Variants in DSCAM observed in about 807,000 individuals in gnomAD.
DSCAM encodes the protein DS cell adhesion molecule.
A neutral mutation model predicts 217.7 loss-of-function variants in DSCAM; 47 were observed. The observed-to-expected ratio is 0.22, with a 90% CI of 0.17 to 0.28. DSCAM has a LOEUF of 0.28. DSCAM is among the 10% of genes least tolerant of loss of function. The pLI is 1.00. For missense variants in DSCAM, 2,080 were observed against 2,618.3 expected, an observed-to-expected ratio of 0.79 and a Z score of 4.49; for synonymous variants, 1,056 against 1,015.3, an observed-to-expected ratio of 1.04 and a Z score of -0.76.
At chr21:40,208,412 C>A (rs2091148326) in intron 11 of DSCAM, among the ~76,000 whole-genome samples, 1 of 152,190 alleles carries the variant, frequency 6.6e-6, no homozygotes, top group South Asian at 2.1e-4. Context: ...TGAGATTGCG[C>A]CATTGCACTC....
chr21:40,013,263 A>C lies in DSCAM; in HGVS notation c.5810T>G (p.Leu1937Arg), dbSNP rs2088095252. Residue 1937 changes from leucine to arginine, a missense_variant, in exon 33 of 33, where the codon CTG (leucine) becomes CGG (arginine). By Grantham distance (102) the Leu-to-Arg change is moderately radical (BLOSUM62 -2). Around this residue, in one of 5 missense-constraint regions of DSCAM, gnomAD observed 145 missense variants for 138.5 expected, o/e 1.05. Coordinates refer to ENST00000400454, the MANE Select transcript of DSCAM (RefSeq NM_001389.5). ...GGGCTCCAGGACCGTGGGGCGCTTC[A>C]GGGTCCGGCTTTTCTGAGGTTCCAA... ...ACLEPQKSRT[L>R]KRPTVLEPIP... 3.7e-6 allele frequency: 6 copies of C among 1,613,704 alleles called. No homozygotes were observed. Among genetic ancestry groups the C allele is most frequent in the Non-Finnish European group, 5.1e-6 (6 of 1,179,908 alleles).
chr21:40,354,748 C>G (rs1351068042), intron 4 of DSCAM, among the ~76,000 whole-genome samples: 1 of 149,616 alleles, frequency 6.7e-6, no homozygotes. Flanking sequence ...ACTCGGGAGG[C>G]TGAGGCAGGA....
At chr21:40,095,159 C>A (rs973903733) in intron 20 of DSCAM, among the ~76,000 whole-genome samples, 1 of 152,194 alleles carries the variant, frequency 6.6e-6, no homozygotes. Flanking sequence ...TGAGGCCAAG[C>A]AAAAGGGGTT....
intron 32 of DSCAM, among the ~76,000 whole-genome samples, chr21:40,037,505 C>G (rs62235617): frequency 0.32 from 43,877 of 137,136 alleles, 7,903 homozygotes; most frequent in Middle Eastern, 0.41. Context: ...CACTGCTCAA[C>G]GAAATAAAAG....
intron 15 of DSCAM, among the ~76,000 whole-genome samples, chr21:40,167,988 G>C (rs1459831677): frequency 6.6e-6 from 1 of 152,128 alleles, no homozygotes; most frequent in Non-Finnish European, 1.5e-5. Context: ...TTGAATCCAG[G>C]AGGCAGACGT....
chr21:40,012,939 C>A lies in DSCAM; in HGVS notation c.*95G>T. The A allele has an allele frequency of 1.1e-6, 1 of 883,562 alleles. No individual in the cohort carries two copies. The highest frequency in any genetic ancestry group is 1.5e-6 in the Non-Finnish European group (1 of 663,720). The allele number at this position is 883,562 out of a possible 1,614,324, so 54.7% of individuals were successfully genotyped here. On this transcript the variant is annotated 3_prime_UTR_variant, in exon 33 of 33. Transcript: ENST00000400454. ...TTTTTTAATATATTTTGGCAATTTT[C>A]TTTAATTATAAATATTGGAATTCCG... is the stretch of plus-strand genomic sequence containing the variant.
chr21:40,393,422 C>T (rs553356861), intron 3 of DSCAM, among the ~76,000 whole-genome samples: 25 of 152,034 alleles, frequency 1.6e-4, no homozygotes, highest in South Asian at 4.2e-4. Flanking sequence ...GAAAATACAA[C>T]GAAAATTCTA....
intron 3 of DSCAM, among the ~76,000 whole-genome samples, chr21:40,652,671 G>A (rs931431086): frequency 6.6e-6 from 1 of 152,162 alleles, no homozygotes; most frequent in Non-Finnish European, 1.5e-5. Context: ...GGCTTAGGGG[G>A]TCCAAATCCC....
intron 1 of DSCAM, among the ~76,000 whole-genome samples, chr21:40,825,059 C>T (rs2091957312): frequency 6.6e-6 from 1 of 152,134 alleles, no homozygotes; most frequent in Admixed American, 6.5e-5. Flanking sequence ...TGCCATGACC[C>T]AGAAAAGAGG....
At chr21:40,330,567 A>G (rs906335577) in intron 8 of DSCAM, among the ~76,000 whole-genome samples, 1 of 151,992 alleles carries the variant, frequency 6.6e-6, no homozygotes, top group Non-Finnish European at 1.5e-5. Flanking sequence ...AGAATAGAGG[A>G]ATTTTAAGTC....
At chr21:40,565,760 G>A (rs1340699349) in intron 3 of DSCAM, among the ~76,000 whole-genome samples, 4 of 152,112 alleles carry the variant, frequency 2.6e-5, no homozygotes, top group Non-Finnish European at 5.9e-5. Flanking sequence ...AACTTCAACA[G>A]AGGGAAAATA....
At position 40,178,972 on chromosome 21, in the gene DSCAM, T is replaced by C; in HGVS notation, c.2902A>G (p.Lys968Glu). Reference protein sequence around the residue: ...IRMYAKNRIGKSEPSNELTIT... With the variant: ...IRMYAKNRIGESEPSNELTIT... ...GTGAGCTCGTTGCTGGGCTCGCTCT[T>C]GCCAATCCGGTTCTTGGCGTACATG... is the stretch of plus-strand genomic sequence containing the variant. The change falls in exon 15 of 33, where the codon AAG becomes GAG. Residue 968 changes from lysine (K) to glutamate (E), a missense_variant. Physicochemically the swap from Lys to Glu is moderately conservative, Grantham distance 56. This residue lies in a region of DSCAM where 1,144 missense variants were observed against 1,421.1 expected (regional missense o/e 0.81). Transcript: ENST00000400454. 6.2e-7 allele frequency: 1 copy of C among 1,614,132 alleles called. No individual in the cohort carries two copies. The highest frequency in any genetic ancestry group is 8.5e-7 in the Non-Finnish European group (1 of 1,180,024).
At chr21:40,287,918 T>C (rs549832154) in intron 10 of DSCAM, among the ~76,000 whole-genome samples, 28 of 152,052 alleles carry the variant, frequency 1.8e-4, no homozygotes, top group African/African-American at 5.8e-4. Flanking sequence ...AATATGGAAT[T>C]GGGGAAACTA....
At chr21:40,495,099 A>G (rs1351102648) in intron 3 of DSCAM, among the ~76,000 whole-genome samples, 1 of 152,158 alleles carries the variant, frequency 6.6e-6, no homozygotes, top group African/African-American at 2.4e-5. Flanking sequence ...TAGTAAAAAG[A>G]CTCTAATCAA....
intron 3 of DSCAM, among the ~76,000 whole-genome samples, chr21:40,563,019 T>C (rs34797708): frequency 0.064 from 9,763 of 152,304 alleles, 366 homozygotes; most frequent in South Asian, 0.15. Flanking sequence ...ATTTGGCTGA[T>C]AGAGACAATC....
chr21:40,381,946 A>T (rs2075030538), intron 3 of DSCAM, among the ~76,000 whole-genome samples: 1 of 152,144 alleles, frequency 6.6e-6, no homozygotes, highest in Non-Finnish European at 1.5e-5. Context: ...GTGTTTGTAT[A>T]TTTATGTGTG....
At chr21:40,837,595 G>C (rs2092067284) in intron 1 of DSCAM, among the ~76,000 whole-genome samples, 1 of 152,220 alleles carries the variant, frequency 6.6e-6, no homozygotes, top group South Asian at 2.1e-4. Flanking sequence ...TAAGGACCCG[G>C]ATAGAGGTTG....
Position 40,167,385 on chromosome 21 carries a change from C to T in DSCAM, c.2948-97G>A, listed in dbSNP as rs908858373. ...GGTGGTCCCCGAGGACAACCCATCC[C>T]TATGTTTGGCACAGAGAAAGAAGTT... On this transcript the variant is annotated intron_variant, in intron 15 of 32. Coordinates refer to ENST00000400454, the MANE Select transcript of DSCAM (RefSeq NM_001389.5). The T allele has an allele frequency of 2.3e-5, 24 of 1,031,538 alleles. 1 individual carries two copies. In the Admixed American group the frequency reaches 4.1e-4, roughly 18 times the overall value. The allele number at this position is 1,031,538 out of a possible 1,614,324, so 63.9% of individuals were successfully genotyped here.
At chr21:40,214,735 C>CAA (rs1209648217) in intron 11 of DSCAM, among the ~76,000 whole-genome samples, 683 of 67,792 alleles carry the variant, frequency 0.01, 10 homozygotes, top group Admixed American at 0.023. Flanking sequence ...GCAACAACAG[C>CAA]AAAAAAAAAA....
Sources: gnomAD v4.1 joint callset for allele counts (sites outside exome capture counted in the v4.1 genomes callset) on GRCh38, gnomAD v4.1.1 for gene constraint, gnomAD v4.1.1 regional missense constraint, MANE v1.5 for transcripts, NCBI Gene and HGNC (gene_info 2026-07-23, HGNC 2026-07-21) for gene names.